The following AKAP9 variants were observed in gnomAD, a reference collection of about 807,000 sequenced individuals.
AKAP9 encodes the protein A-kinase anchor protein 9.
Under a neutral mutation model 488.5 loss-of-function variants are expected in AKAP9, and 311 were observed. The ratio of observed to expected loss-of-function variants is 0.64; its 90% confidence interval spans 0.58 to 0.70. The LOEUF is 0.70. AKAP9 is among the 30% of genes least tolerant of loss of function. The probability of loss-of-function intolerance (pLI) is 0.00; values close to 1 mark genes in which losing one functional copy is unlikely to be tolerated. For synonymous variants in AKAP9, 1,462 were observed against 1,483.5 expected, an observed-to-expected ratio of 0.99 and a Z score of 0.33; for missense variants, 4,215 against 4,374.5, an observed-to-expected ratio of 0.96 and a Z score of 1.03.
At chr7:92,025,063 T>C (rs1802909513) in intron 14 of AKAP9, among the ~76,000 whole-genome samples, 1 of 152,188 alleles carries the variant, frequency 6.6e-6, no homozygotes, top group African/African-American at 2.4e-5. Flanking sequence ...AGCTTTGAGA[T>C]GGAACTTGGA....
chr7:91,955,999 A>G (rs1584562794), intron 1 of AKAP9, among the ~76,000 whole-genome samples: 1 of 152,180 alleles, frequency 6.6e-6, no homozygotes, highest in African/African-American at 2.4e-5. Context: ...CTCATTTTCC[A>G]TAAGAACATT....
intron 21 of AKAP9, among the ~76,000 whole-genome samples, chr7:92,048,422 A>C (rs1807367848): frequency 6.6e-6 from 1 of 152,224 alleles, no homozygotes; most frequent in Non-Finnish European, 1.5e-5. Flanking sequence ...AGCTAACATA[A>C]AATCACTTAA....
chr7:92,104,190 A>AT (rs879741854), intron 46 of AKAP9, among the ~76,000 whole-genome samples: 3,184 of 142,628 alleles, frequency 0.022, 90 homozygotes, highest in African/African-American at 0.052. Context: ...TTATTTATTT[A>AT]TTTTTTTTTT....
chr7:92,044,577 T>C (rs1026141493), intron 20 of AKAP9, among the ~76,000 whole-genome samples: 1 of 152,234 alleles, frequency 6.6e-6, no homozygotes, highest in African/African-American at 2.4e-5. Flanking sequence ...GTTTAACATA[T>C]AGAAAGATTT....
At chr7:92,100,828 T>C (rs778008327) in intron 44 of AKAP9, 28 bp from the exon 45 acceptor site, 6 of 1,613,462 alleles carry the variant, frequency 3.7e-6, no homozygotes, top group Non-Finnish European at 3.4e-6. Context: ...CTTCAGAGAC[T>C]TGTGTAAGTA....
At chr7:92,105,952 G>A (rs1818448490) in intron 47 of AKAP9, among the ~76,000 whole-genome samples, 189 bp downstream of exon 47, 1 of 152,234 alleles carries the variant, frequency 6.6e-6, no homozygotes, top group South Asian at 2.1e-4. Flanking sequence ...GATTCTCATA[G>A]GAGCACAAAT....
chr7:91,961,742 G>T lies in AKAP9; in HGVS notation c.49-11969G>T, dbSNP rs527278611. 2.0e-5 allele frequency among the ~76,000 whole-genome samples: 3 copies of T among 151,914 alleles called. No homozygotes were observed. The Middle Eastern group carries it at 0.01, about 517-fold the overall frequency. ...GCCTGTAGTCCCAGCTACTCGGGAG[G>T]CTGAGTCAGGAGAATGGCGTGAACT... On this transcript the variant is annotated intron_variant, in intron 1 of 49. Transcript: ENST00000356239.
chr7:91,983,033 G>T (rs187995705), intron 3 of AKAP9, among the ~76,000 whole-genome samples: 1 of 151,438 alleles, frequency 6.6e-6, no homozygotes, highest in African/African-American at 2.4e-5. Context: ...TGATGGGGTT[G>T]TTTGCTTTTT....
chr7:92,102,862 A>G, intron 46 of AKAP9, 36 bp downstream of exon 46: 1 of 1,523,024 alleles, frequency 6.6e-7, no homozygotes, highest in Non-Finnish European at 9.1e-7. Context: ...TTACTAGTAG[A>G]CTCTCTAAAA....
chr7:91,969,910 A>G (rs1332269016), intron 1 of AKAP9, among the ~76,000 whole-genome samples: 1 of 152,076 alleles, frequency 6.6e-6, no homozygotes, highest in African/African-American at 2.4e-5. Flanking sequence ...TACCTTGAGT[A>G]TTATTATTAA....
At chr7:92,049,650 T>C (rs1447355069) in intron 21 of AKAP9, among the ~76,000 whole-genome samples, 1 of 151,848 alleles carries the variant, frequency 6.6e-6, no homozygotes, top group Non-Finnish European at 1.5e-5. Context: ...ATAAATAAAG[T>C]TTAAGCTTGA....
chr7:92,066,329 C>T, intron 25 of AKAP9, 98 bp from the exon 26 acceptor site: 2 of 1,471,092 alleles, frequency 1.4e-6, no homozygotes, highest in Non-Finnish European at 1.9e-6. Context: ...CCTTTGTCTT[C>T]AAACAAAACT....
Position 92,012,658 on chromosome 7 carries a change from A to T in AKAP9, c.3532+16A>T. 1.9e-6 allele frequency: 3 copies of T among 1,572,104 alleles called. No individual in the cohort carries two copies. The highest frequency in any genetic ancestry group is 2.6e-6 in the Non-Finnish European group (3 of 1,143,352). On this transcript the variant is annotated intron_variant, in intron 9 of 49. Transcript: ENST00000356239. ...CAAGAAACAGGTAAAATGGTTTCTG[A>T]CTTATAAGTACCATGATCCAAATAA...
intron 38 of AKAP9, chr7:92,092,373 G>GC (rs980209268): frequency 6.6e-6 from 1 of 152,144 alleles, no homozygotes; most frequent in Non-Finnish European, 1.5e-5. Context: ...CTGAACAAAA[G>GC]ATATCAGCAG....
At chr7:91,975,422 A>G (rs1795539056) in intron 2 of AKAP9, among the ~76,000 whole-genome samples, 1 of 152,202 alleles carries the variant, frequency 6.6e-6, no homozygotes, top group Non-Finnish European at 1.5e-5. Flanking sequence ...CATGTATACA[A>G]ATACAACTAA....
intron 22 of AKAP9, among the ~76,000 whole-genome samples, chr7:92,057,216 A>G (rs922924837): frequency 3.9e-5 from 6 of 152,130 alleles, no homozygotes; most frequent in Admixed American, 2.6e-4. Flanking sequence ...GGCTGCTTGA[A>G]AGATGAGTAA....
At chr7:92,034,498 AT>A (rs59961119) in intron 16 of AKAP9, among the ~76,000 whole-genome samples, 5,838 of 94,242 alleles carry the variant, frequency 0.062, 78 homozygotes, top group South Asian at 0.07. Flanking sequence ...ATATATATAT[AT>A]TTTTTTTTTT....
At chr7:92,042,514 C>T (rs554939523) in intron 19 of AKAP9, among the ~76,000 whole-genome samples, 154 bp from the exon 20 acceptor site, 3 of 152,260 alleles carry the variant, frequency 2.0e-5, no homozygotes, top group Admixed American at 6.5e-5. Context: ...ACACTAATCT[C>T]GAGTGTAGTT....
Position 92,097,594 on chromosome 7 carries a change from G to A in AKAP9, c.10407G>A (p.Thr3469=), listed in dbSNP as rs749584454. The A allele has an allele frequency of 2.8e-5, 45 of 1,613,210 alleles. No homozygotes were observed. Among genetic ancestry groups the A allele is most frequent in the East Asian group, 1.6e-4 (7 of 44,888 alleles). ...ILYQNLNEPT[T]WSLTSDRTRN... is the part of the protein sequence containing the mutation. ...CTGTCCAAAATTGCCAGCCAACCAC[G>A]TGGAGCTTAACCAGTGATAGAACTA... is the stretch of plus-strand genomic sequence containing the variant. The change falls in exon 42 of 50, where the codon ACG becomes ACA. Residue 3469 remains threonine (T), a synonymous_variant. Transcript: ENST00000356239.
Sources: allele counts gnomAD v4.1 joint callset (sites outside exome capture counted in the v4.1 genomes callset), GRCh38; gene constraint gnomAD v4.1.1; transcripts MANE v1.5; gene names NCBI Gene and HGNC (gene_info 2026-07-23, HGNC 2026-07-21).